CRNKL1: variants seen among roughly 807,000 people sequenced by gnomAD.
The protein encoded by CRNKL1 is crooked neck pre-mRNA splicing factor 1, also known as crooked neck-like protein 1.
CRNKL1 carries 35 observed loss-of-function variants against 103.7 expected under a neutral mutation model. That is an observed-to-expected ratio of 0.34 (90% CI 0.26 to 0.45). The LOEUF (loss-of-function observed/expected upper bound fraction) is 0.45. Ranked by LOEUF, CRNKL1 falls within the 20% of genes least tolerant of loss-of-function variation. The pLI is 1.00. For missense variants in CRNKL1, 645 were observed against 836.0 expected (o/e 0.77, Z 2.82); for synonymous variants, 267 against 282.6 (o/e 0.94, Z 0.55).
chr20:20,045,188 T>C, intron 6 of CRNKL1, 120 bp downstream of exon 6: 1 of 806,046 alleles, frequency 1.2e-6, no homozygotes, highest in Non-Finnish European at 1.9e-6. Context: ...TGTGTTTTTG[T>C]ATTTTGAAAA....
chr20:20,035,718 A>C lies in CRNKL1; in HGVS notation c.*477T>G, dbSNP rs1231856259. 1 of 155,326 alleles carries C rather than the reference A, an allele frequency of 6.4e-6. No homozygotes were observed. The highest frequency in any genetic ancestry group is 1.4e-5 in the Non-Finnish European group (1 of 70,024). The allele number at this position is 155,326 out of a possible 1,614,324, so 9.6% of individuals were successfully genotyped here. The stretch of plus-strand genomic sequence containing the variant: ...TGCACCCACCAGGTATATTCCTTTT[A>C]TAATGTAATCTTCAAAATGAGCTGT... On this transcript the variant is annotated 3_prime_UTR_variant, in exon 14 of 14. Coordinates refer to ENST00000536226, the MANE Select transcript of CRNKL1 (RefSeq NM_001278628.2).
At chr20:20,055,181 A>T (rs2044210902), upstream of CRNKL1, among the ~76,000 whole-genome samples, 1 of 151,646 alleles carries the variant, frequency 6.6e-6, no homozygotes, top group South Asian at 2.1e-4. Flanking sequence ...TCTTCTCATG[A>T]CTTTTGTTTC....
Position 20,049,379 on chromosome 20 carries a change from T to C in CRNKL1, c.257A>G (p.Lys86Arg), listed in dbSNP as rs2043647646. The change falls in exon 3 of 14, where the codon AAA becomes AGA. Residue 86 changes from lysine to arginine, a missense_variant. Coordinates refer to ENST00000536226, the MANE Select transcript of CRNKL1 (RefSeq NM_001278628.2). The part of the protein sequence containing the change: ...KNRTVISNWI[K>R]YAQWEESLKE... ...TAGGCTTTCTTCCCATTGTGCGTAT[T>C]TTATCCAGTTACTAATCACAGTCCT... 6.2e-7 allele frequency: 1 copy of C among 1,605,488 alleles called. No homozygotes were observed. Among genetic ancestry groups the C allele is most frequent in the Non-Finnish European group, 8.5e-7 (1 of 1,173,936 alleles).
At position 20,052,429 on chromosome 20, in the gene CRNKL1, C is replaced by A. The variant is rs765238125; in HGVS notation, c.-87G>T. 6.2e-7 allele frequency: 1 copy of A among 1,614,118 alleles called. No individual in the cohort carries two copies. The highest frequency in any genetic ancestry group is 8.5e-7 in the Non-Finnish European group (1 of 1,180,066). On this transcript the variant is annotated 5_prime_UTR_variant, in exon 1 of 14. Coordinates refer to ENST00000536226, the MANE Select transcript of CRNKL1 (RefSeq NM_001278628.2). ...GAGCTCACCGAAACCACAAAGCTTT[C>A]AGAAAACAAACAGGATCTCGGAACC...
Position 20,043,649 on chromosome 20 carries a change from C to G in CRNKL1, c.815G>C (p.Arg272Pro). Residue 272 changes from arginine to proline, a missense_variant, in exon 7 of 14, where the codon CGA (arginine) becomes CCA (proline). Physicochemically the swap from Arg to Pro is moderately radical, Grantham distance 103. Around this residue, in one of 2 missense-constraint regions of CRNKL1, gnomAD observed 582 missense variants for 707.7 expected, o/e 0.82. Coordinates refer to ENST00000536226, the MANE Select transcript of CRNKL1 (RefSeq NM_001278628.2). Reference sequence around the variant, plus strand: ...GTCCAGGGCATACTTGTAAATCACTCGTACCCTTTCAAACTAAATGCAGAC... The same window carrying G: ...GTCCAGGGCATACTTGTAAATCACTGGTACCCTTTCAAACTAAATGCAGAC... ...EENQKEFERV[R>P]VIYKYALDRI... 2 of 1,613,028 alleles carry G rather than the reference C, an allele frequency of 1.2e-6. No homozygotes were observed. The highest frequency in any genetic ancestry group is 2.2e-5 in the East Asian group (1 of 44,866).
rs1022585170 is a variant in CRNKL1, at chr20:20,036,497, C to A, written c.1897-135G>T. 3.7e-6 allele frequency: 3 copies of A among 808,338 alleles called. No homozygotes were observed. In the African/African-American group the frequency reaches 5.2e-5, roughly 14 times the overall value. 50.1% of individuals were successfully genotyped at this position (808,338 alleles called of 1,614,324 possible). A position where few individuals can be genotyped will look rare whatever the true frequency, so the allele number is the denominator to read the frequency against. On this transcript the variant is annotated intron_variant, in intron 13 of 13. Coordinates refer to ENST00000536226, the MANE Select transcript of CRNKL1 (RefSeq NM_001278628.2). Reference sequence around the variant, plus strand: ...ACATCAAAGTCTACTACAGAAAGAACAAGGGCTGGGTCTGAAAGACTGGGA... The same window carrying A: ...ACATCAAAGTCTACTACAGAAAGAAAAAGGGCTGGGTCTGAAAGACTGGGA...
chr20:20,044,564 T>TCAGACTGGGAATGCTCAAAC (rs2043565191), intron 6 of CRNKL1, among the ~76,000 whole-genome samples: 4 of 152,248 alleles, frequency 2.6e-5, no homozygotes, highest in Admixed American at 2.6e-4. Flanking sequence ...TTTTGGATTT[T>TCAGACTGGGAATGCTCAAAC]CAGACTGGGA....
At position 20,045,296 on chromosome 20, in the gene CRNKL1, A is replaced by G. The variant is rs746014127; in HGVS notation, c.801+12T>C. On this transcript the variant is annotated intron_variant, in intron 6 of 13. Transcript: ENST00000536226. ...AGCTGTTTTACAGTATAATGAAGTT[A>G]GGTATACTTACCTCTTTCTGATTTT... The G allele has an allele frequency of 6.2e-7, 1 of 1,601,242 alleles. No homozygotes were observed. The highest frequency in any genetic ancestry group is 8.5e-7 in the Non-Finnish European group (1 of 1,171,830).
At chr20:20,040,890 G>A (rs986774075) in intron 9 of CRNKL1, 124 bp from the exon 10 acceptor site, 3 of 669,642 alleles carry the variant, frequency 4.5e-6, no homozygotes, top group African/African-American at 1.8e-5. Flanking sequence ...CAGAGTAAGA[G>A]GAATGTACTC....
At chr20:20,044,207 C>T (rs1199248293) in intron 6 of CRNKL1, among the ~76,000 whole-genome samples, 1 of 152,196 alleles carries the variant, frequency 6.6e-6, no homozygotes, top group Non-Finnish European at 1.5e-5. Context: ...CCACTTTTGC[C>T]ATCTACCCTC....
intron 13 of CRNKL1, 116 bp downstream of exon 13, chr20:20,037,207 G>A: frequency 8.2e-7 from 1 of 1,216,450 alleles, no homozygotes; most frequent in Non-Finnish European, 1.1e-6. Context: ...CCTACTCCAG[G>A]TGGTCTGCTT....
At chr20:20,050,743 A>G in intron 1 of CRNKL1, 121 bp from the exon 2 acceptor site, 1 of 808,324 alleles carries the variant, frequency 1.2e-6, no homozygotes, top group Non-Finnish European at 1.9e-6. Flanking sequence ...CCCTTTTTGT[A>G]TGACATGTTC....
upstream of CRNKL1, among the ~76,000 whole-genome samples, chr20:20,054,081 T>C (rs1193599737): frequency 1.3e-5 from 2 of 151,252 alleles, no homozygotes; most frequent in Non-Finnish European, 3.0e-5. Flanking sequence ...AATGCTTTTG[T>C]AGATATACCT....
In CRNKL1 at chr20:20,037,299, ACAGTCC is replaced by A; in HGVS notation, c.1896+18_1896+23del. Reference sequence around the variant, plus strand: ...TTTCTACTCATGTGACGTGAGATGAACAGTCCCAGGGCAGAGTTCTTACCCCATCAT... The same window carrying A: ...TTTCTACTCATGTGACGTGAGATGAACAGGGCAGAGTTCTTACCCCATCAT... On this transcript the variant is annotated intron_variant, in intron 13 of 13. Coordinates refer to ENST00000536226, the MANE Select transcript of CRNKL1 (RefSeq NM_001278628.2). The A allele has an allele frequency of 6.2e-7, 1 of 1,604,296 alleles. No individual in the cohort carries two copies. Among genetic ancestry groups the A allele is most frequent in the South Asian group, 1.1e-5 (1 of 89,108 alleles).
chr20:20,040,614 C>G (rs1328393253), intron 10 of CRNKL1, 72 bp downstream of exon 10: 2 of 1,175,096 alleles, frequency 1.7e-6, no homozygotes, highest in Non-Finnish European at 2.5e-6. Flanking sequence ...AACTGTACAA[C>G]TTCCAAGCAC....
chr20:20,051,825 A>G (rs943554646), intron 1 of CRNKL1, among the ~76,000 whole-genome samples: 3 of 152,094 alleles, frequency 2.0e-5, no homozygotes, highest in African/African-American at 7.2e-5. Context: ...GCTAACTCCT[A>G]TTCAGCCTTC....
chr20:20,050,744 T>C, intron 1 of CRNKL1, 122 bp from the exon 2 acceptor site: 1 of 796,466 alleles, frequency 1.3e-6, no homozygotes, highest in Non-Finnish European at 1.9e-6. Flanking sequence ...CCTTTTTGTA[T>C]GACATGTTCC....
chr20:20,045,248 T>C, intron 6 of CRNKL1, 60 bp downstream of exon 6: 3 of 1,389,806 alleles, frequency 2.2e-6, no homozygotes, highest in East Asian at 4.7e-5. Context: ...GAACTCACCA[T>C]GCACAAAATG....
At chr20:20,039,550 T>C in intron 11 of CRNKL1, 59 bp downstream of exon 11, 1 of 1,594,444 alleles carries the variant, frequency 6.3e-7, no homozygotes, top group Non-Finnish European at 8.6e-7. Context: ...TAGATGGTCA[T>C]CTAAAGTAAG....
Sources: allele counts gnomAD v4.1 joint callset (sites outside exome capture counted in the v4.1 genomes callset), GRCh38; gene constraint gnomAD v4.1.1; regional missense constraint gnomAD v4.1.1; transcripts MANE v1.5; gene names NCBI Gene and HGNC (gene_info 2026-07-23, HGNC 2026-07-21).